The following GRB7 variants were observed in gnomAD, a reference collection of about 807,000 sequenced individuals.
The protein encoded by GRB7 is growth factor receptor bound protein 7.
A neutral mutation model predicts 64.1 loss-of-function variants in GRB7; 47 were observed. The observed-to-expected ratio is 0.73, with a 90% confidence interval of 0.58 to 0.94. GRB7 has a LOEUF of 0.94. Among genes scored for constraint, GRB7 ranks in the 40% least tolerant of loss-of-function variants. GRB7 has a pLI of 0.00. For missense variants in GRB7, 634 were observed against 718.4 expected, an observed-to-expected ratio of 0.88 and a Z score of 1.34; for synonymous variants, 277 against 279.9, an observed-to-expected ratio of 0.99 and a Z score of 0.10.
At chr17:39,741,561 C>G (rs1597902991) in intron 1 of GRB7, among the ~76,000 whole-genome samples, 1 of 152,260 alleles carries the variant, frequency 6.6e-6, no homozygotes, top group Non-Finnish European at 1.5e-5. Context: ...ACCCGGGGCA[C>G]AGCCCAGCGC....
chr17:39,746,798 C>T lies in GRB7; in HGVS notation c.1500C>T (p.Thr500=), dbSNP rs116264944. The change falls in exon 15 of 15, where the codon ACC becomes ACT. Residue 500 remains threonine (T), a synonymous_variant. Transcript: ENST00000309156. ...RLYFSMDDGQ[T]RFTDLLQLVE... is the part of the protein sequence containing the mutation. ...ACTTCAGCATGGATGATGGCCAGAC[C>T]CGCTTCACTGACCTGCTGCAGCTCG... 3.5e-4 allele frequency: 557 copies of T among 1,614,114 alleles called. No homozygotes were observed. The African/African-American group carries it at 6.2e-3, about 18-fold the overall frequency.
chr17:39,745,106 AG>A, intron 9 of GRB7, 122 bp downstream of exon 9: 1 of 1,096,828 alleles, frequency 9.1e-7, no homozygotes, highest in Non-Finnish European at 1.3e-6. Context: ...CCCCAGTCCA[AG>A]CCTGAAGTTA....
chr17:39,739,753 C>A (rs772499767), intron 1 of GRB7, among the ~76,000 whole-genome samples: 1 of 152,196 alleles, frequency 6.6e-6, no homozygotes, highest in South Asian at 2.1e-4. Context: ...TGGGAAGCCA[C>A]GGACGGAGTT....
chr17:39,740,368 G>A (rs1052165702), intron 1 of GRB7, among the ~76,000 whole-genome samples: 5 of 152,118 alleles, frequency 3.3e-5, no homozygotes, highest in African/African-American at 1.2e-4. Context: ...CCCTCTGGCC[G>A]GGACACCCAG....
chr17:39,742,119 G>T (rs117355821), intron 1 of GRB7, 133 bp from the exon 2 acceptor site: 9 of 679,856 alleles, frequency 1.3e-5, no homozygotes, highest in Non-Finnish European at 2.1e-5. Flanking sequence ...GTAAAATGAG[G>T]CTCATTCTGT....
chr17:39,745,405 T>C lies in GRB7; in HGVS notation c.1093-17T>C. 6.2e-7 allele frequency: 1 copy of C among 1,612,752 alleles called. No homozygotes were observed. The highest frequency in any genetic ancestry group is 1.6e-4 in the Middle Eastern group (1 of 6,062). ...CTGGGCCCTGTTCTGACCTCTCTCCTCTCCTTCCATCTCCAGAGAAGTGCC... is the reference window on the plus strand; with the variant it reads ...CTGGGCCCTGTTCTGACCTCTCTCCCCTCCTTCCATCTCCAGAGAAGTGCC... On this transcript the variant is annotated splice_polypyrimidine_tract_variant and intron_variant, in intron 10 of 14. Transcript: ENST00000309156.
In GRB7 at chr17:39,742,342, C is replaced by T. The variant is rs779488572; in HGVS notation, c.41C>T (p.Pro14Leu). 140 of 1,613,952 alleles carry T rather than the reference C, an allele frequency of 8.7e-5. No homozygotes were observed. The highest frequency in any genetic ancestry group is 1.1e-4 in the Non-Finnish European group (135 of 1,179,972). ...TCTCCACCTCATCTTAGCAGCTCTCCGGAAGACCTTTGCCCAGCCCCTGGG... is the reference window on the plus strand; with the variant it reads ...TCTCCACCTCATCTTAGCAGCTCTCTGGAAGACCTTTGCCCAGCCCCTGGG... ...DLSPPHLSSSPEDLCPAPGTP... is the reference protein window; with the variant it reads ...DLSPPHLSSSLEDLCPAPGTP... Residue 14 changes from proline to leucine, a missense_variant, in exon 2 of 15, where the codon CCG becomes CTG. By Grantham distance (98) the Pro-to-Leu change is moderately conservative. Transcript: ENST00000309156.
rs764511739 is a variant in GRB7, at chr17:39,744,121, C to T, written c.715C>T (p.Arg239Trp). 9.9e-6 allele frequency: 16 copies of T among 1,614,170 alleles called. No individual in the cohort carries two copies. Among genetic ancestry groups the T allele is most frequent in the Middle Eastern group, 1.7e-4 (1 of 6,056 alleles). Residue 239 changes from arginine to tryptophan, a missense_variant, in exon 7 of 15, where the codon CGG (arginine) becomes TGG (tryptophan). Arg to Trp is a moderately radical substitution (Grantham distance 101, BLOSUM62 -3). Transcript: ENST00000309156. ...FPEIQGFLQL[R>W]GSGRKLWKRF... is the part of the protein sequence containing the mutation. ...TGAGATCCAGGGCTTTCTGCAGCTG[C>T]GGGGTTCAGGACGGAAGCTTTGGAA...
At chr17:39,743,617 C>A in intron 6 of GRB7, 147 bp downstream of exon 6, 2 of 677,506 alleles carry the variant, frequency 3.0e-6, no homozygotes, top group Admixed American at 2.4e-5. Flanking sequence ...ACTTTCCCTG[C>A]CTGAGCATCA....
intron 1 of GRB7, 124 bp from the exon 2 acceptor site, chr17:39,742,128 G>C: frequency 1.4e-6 from 1 of 704,532 alleles, no homozygotes; most frequent in South Asian, 1.6e-5. Flanking sequence ...GGCTCATTCT[G>C]TCCTTCCCCA....
Position 39,742,408 on chromosome 17 carries a change from C to T in GRB7, c.107C>T (p.Pro36Leu), listed in dbSNP as rs2060002956. The T allele has an allele frequency of 6.2e-7, 1 of 1,613,886 alleles. No homozygotes were observed. The highest frequency in any genetic ancestry group is 1.3e-5 in the African/African-American group (1 of 74,922). ...CCCCGGCCCCCTGATACCCCTCTGC[C>T]TGAGGAGGTAAAGAGGTCCCAGCCT... is the stretch of plus-strand genomic sequence containing the variant. ...GTPRPPDTPL[P>L]EEVKRSQPLL... The change falls in exon 2 of 15, where the codon CCT (proline) becomes CTT (leucine). Residue 36 changes from proline to leucine, a missense_variant. This residue lies in a region of GRB7 where 167 missense variants were observed against 141.9 expected (regional missense o/e 1.18). Transcript: ENST00000309156.
rs1349570072 is a variant in GRB7, at chr17:39,747,272, T to G, written c.*375T>G. On this transcript the variant is annotated 3_prime_UTR_variant, in exon 15 of 15. Coordinates refer to ENST00000309156, the MANE Select transcript of GRB7 (RefSeq NM_005310.5). Reference sequence around the variant, plus strand: ...GTTTTATACTAGTGACAATAAAGATTATTTTTTGATACACCTATGAGTTCT... The same window carrying G: ...GTTTTATACTAGTGACAATAAAGATGATTTTTTGATACACCTATGAGTTCT... 5.0e-6 allele frequency: 1 copy of G among 199,346 alleles called. No individual in the cohort carries two copies. The highest frequency in any genetic ancestry group is 6.0e-5 in the Admixed American group (1 of 16,768). The allele number at this position is 199,346 out of a possible 1,614,324, so 12.3% of individuals were successfully genotyped here.
intron 1 of GRB7, among the ~76,000 whole-genome samples, chr17:39,740,748 T>C (rs1039971635): frequency 2.6e-5 from 4 of 152,118 alleles, no homozygotes; most frequent in African/African-American, 9.7e-5. Flanking sequence ...AGGGCTGTTT[T>C]TGTTTCTCCT....
chr17:39,743,118 G>A (rs2060011576), intron 4 of GRB7, 62 bp from the exon 5 acceptor site: 2 of 1,603,418 alleles, frequency 1.2e-6, no homozygotes, highest in African/African-American at 2.7e-5. Context: ...GGCTAGGCAT[G>A]TGGCTCATCC....
chr17:39,746,031 G>T (rs771148574), intron 13 of GRB7, 31 bp downstream of exon 13: 1 of 1,612,224 alleles, frequency 6.2e-7, no homozygotes, highest in Non-Finnish European at 8.5e-7. Context: ...ACAGACCCAG[G>T]GATAAGAGAG....
chr17:39,746,786 T>C lies in GRB7; in HGVS notation c.1488T>C (p.Asp496=). 1 of 1,614,100 alleles carries C rather than the reference T, an allele frequency of 6.2e-7. No individual in the cohort carries two copies. Among genetic ancestry groups the C allele is most frequent in the Non-Finnish European group, 8.5e-7 (1 of 1,180,032 alleles). ...EEEGRLYFSM[D]DGQTRFTDLL... is the part of the protein sequence containing the mutation. ...AGGGCCGCCTGTACTTCAGCATGGA[T>C]GATGGCCAGACCCGCTTCACTGACC... The change falls in exon 15 of 15, where the codon GAT becomes GAC. Residue 496 remains aspartate (D), a synonymous_variant. Coordinates refer to ENST00000309156, the MANE Select transcript of GRB7 (RefSeq NM_005310.5).
chr17:39,739,207 C>G (rs1313058837), intron 1 of GRB7, among the ~76,000 whole-genome samples: 3 of 150,470 alleles, frequency 2.0e-5, no homozygotes, highest in African/African-American at 7.3e-5. Flanking sequence ...TTTGGTCCGC[C>G]GGTCTTGGAC....
At position 39,744,682 on chromosome 17, in the gene GRB7, C is replaced by T; in HGVS notation, c.912+19C>T. ...TGTCAAGGTGAAGACCTGGCCAGGC[C>T]TGGCCCCTGGCCTGGGGAAGCAGGA... is the stretch of plus-strand genomic sequence containing the variant. On this transcript the variant is annotated intron_variant, in intron 8 of 14. Transcript: ENST00000309156. 1 of 1,571,352 alleles carries T rather than the reference C, an allele frequency of 6.4e-7. No individual in the cohort carries two copies. The highest frequency in any genetic ancestry group is 8.7e-7 in the Non-Finnish European group (1 of 1,154,100).
At position 39,745,783 on chromosome 17, in the gene GRB7, G is replaced by C. The variant is rs769379683; in HGVS notation, c.1265G>C (p.Ser422Thr). Reference protein sequence around the residue: ...LPMPASGTSLSAAIHRTQLWF... With the variant: ...LPMPASGTSLTAAIHRTQLWF... The stretch of plus-strand genomic sequence containing the variant: ...ATGCCAGCCTCCGGCACGAGCCTCA[G>C]TGCAGGTGGGTGACGGCCCCGAGTC... Residue 422 changes from serine to threonine, a missense_variant, in exon 12 of 15, where the codon AGT (serine) becomes ACT (threonine). Ser to Thr is a moderately conservative substitution (Grantham distance 58). Around this residue, in one of 2 missense-constraint regions of GRB7, gnomAD observed 467 missense variants for 576.6 expected, o/e 0.81. Coordinates refer to ENST00000309156, the MANE Select transcript of GRB7 (RefSeq NM_005310.5). The C allele has an allele frequency of 6.2e-7, 1 of 1,614,048 alleles. No individual in the cohort carries two copies. Among genetic ancestry groups the C allele is most frequent in the Non-Finnish European group, 8.5e-7 (1 of 1,180,024 alleles).
Sources: gnomAD v4.1 joint callset for allele counts (sites outside exome capture counted in the v4.1 genomes callset) on GRCh38, gnomAD v4.1.1 for gene constraint, gnomAD v4.1.1 regional missense constraint, MANE v1.5 for transcripts, NCBI Gene and HGNC (gene_info 2026-07-23, HGNC 2026-07-21) for gene names.